GPD1L: variants seen among roughly 807,000 people sequenced by gnomAD.
GPD1L encodes the protein glycerol-3-phosphate dehydrogenase 1-like protein.
GPD1L carries 17 observed loss-of-function variants against 32.9 expected under a neutral mutation model. The ratio of observed to expected loss-of-function variants is 0.52; its 90% CI spans 0.35 to 0.78. The LOEUF is 0.78. Ranked by LOEUF, GPD1L falls within the 30% of genes least tolerant of loss-of-function variation. The probability of loss-of-function intolerance (pLI) is 0.01; values close to 1 mark genes in which losing one functional copy is unlikely to be tolerated. For missense variants in GPD1L, 361 were observed against 447.8 expected, an observed-to-expected ratio of 0.81 and a Z score of 1.75; for synonymous variants, 187 against 165.9, an observed-to-expected ratio of 1.13 and a Z score of -0.98.
chr3:32,139,031 G>C (rs1025291118), intron 3 of GPD1L, among the ~76,000 whole-genome samples: 1 of 151,960 alleles, frequency 6.6e-6, no homozygotes, highest in African/African-American at 2.4e-5. Context: ...GAATTAGCTG[G>C]GAAATTAATA....
At chr3:32,137,338 A>G (rs1004671006) in intron 2 of GPD1L, among the ~76,000 whole-genome samples, 3 of 152,226 alleles carry the variant, frequency 2.0e-5, no homozygotes, top group Non-Finnish European at 2.9e-5. Context: ...TGGTTGGTGT[A>G]GCATCATGGT....
chr3:32,127,967 C>T (rs776180187), intron 1 of GPD1L, 109 bp from the exon 2 acceptor site: 80 of 794,130 alleles, frequency 1.0e-4, no homozygotes, highest in Non-Finnish European at 1.5e-5. Context: ...TGAGTAGGCT[C>T]AGTGTTTGAA....
Position 32,121,591 on chromosome 3 carries a change from ATATATATATTTC to A in GPD1L, c.48-6462_48-6451del, listed in dbSNP as rs1211634507. ...TATATATTTCTATATATATATTTCT[ATATATATATTTC>A]TATATATATTTCTATATATATTATA... On this transcript the variant is annotated intron_variant, in intron 1 of 7. Coordinates refer to ENST00000282541, the MANE Select transcript of GPD1L (RefSeq NM_015141.4). 1.9e-4 allele frequency among the ~76,000 whole-genome samples: 19 copies of A among 99,214 alleles called. 1 individual carries two copies. Among genetic ancestry groups the A allele is most frequent in the Admixed American group, 3.1e-4 (3 of 9,764 alleles). 65.1% of individuals were successfully genotyped at this position (99,214 alleles called of 152,430 possible).
intron 1 of GPD1L, among the ~76,000 whole-genome samples, chr3:32,121,703 A>G (rs11923844): frequency 2.2e-5 from 3 of 134,936 alleles, no homozygotes; most frequent in South Asian, 4.6e-4. Flanking sequence ...ATATTTATAT[A>G]TATATTTCTA....
chr3:32,152,678 A>G (rs1424054796), intron 5 of GPD1L, among the ~76,000 whole-genome samples: 1 of 152,168 alleles, frequency 6.6e-6, no homozygotes, highest in Non-Finnish European at 1.5e-5. Context: ...CAACACTGCC[A>G]CAGTGGCCAC....
At chr3:32,146,215 T>A (rs9859033) in intron 4 of GPD1L, among the ~76,000 whole-genome samples, 26,392 of 151,458 alleles carry the variant, frequency 0.17, 2,916 homozygotes, top group African/African-American at 0.31. Context: ...ACCTCCTGAG[T>A]AGCTGGGACC....
rs545047908 is a variant in GPD1L, at chr3:32,158,941, C to T, written c.684C>T (p.Ala228=). 26 of 1,614,140 alleles carry T rather than the reference C, an allele frequency of 1.6e-5. No homozygotes were observed. The highest frequency in any genetic ancestry group is 2.2e-5 in the East Asian group (1 of 44,890). Residue 228 remains alanine (A), a synonymous_variant, in exon 6 of 8, where the codon GCC becomes GCT. Coordinates refer to ENST00000282541, the MANE Select transcript of GPD1L (RefSeq NM_015141.4). ...GCTGTGGAGACAACACCAAAGCGGC[C>T]GTCATCCGCCTGGGACTCATGGAAA... ...GLRCGDNTKA[A]VIRLGLMEMI... is the part of the protein sequence containing the mutation.
intron 1 of GPD1L, among the ~76,000 whole-genome samples, chr3:32,127,604 C>T (rs1459903155): frequency 2.0e-5 from 3 of 152,232 alleles, no homozygotes; most frequent in African/African-American, 7.2e-5. Flanking sequence ...AAGTACTCAA[C>T]AACTGGGCCC....
At chr3:32,107,624 G>A (rs1275400115) in intron 1 of GPD1L, among the ~76,000 whole-genome samples, 1 of 152,158 alleles carries the variant, frequency 6.6e-6, no homozygotes, top group East Asian at 1.9e-4. Flanking sequence ...GAGTGATGAT[G>A]TCCTTTCAGT....
chr3:32,115,812 G>A lies in GPD1L; in HGVS notation c.47+9054G>A, dbSNP rs529480835. ...TTTTTTTTTTTTTTTTTTTTGAGAC[G>A]GAGTCTCGCTCTGTTGCACAGGTTG... On this transcript the variant is annotated intron_variant, in intron 1 of 7. Coordinates refer to ENST00000282541, the MANE Select transcript of GPD1L (RefSeq NM_015141.4). Among the ~76,000 whole-genome samples the A allele has an allele frequency of 1.3e-4, 7 of 55,686 alleles. 1 individual carries two copies. Among genetic ancestry groups the A allele is most frequent in the African/African-American group, 2.1e-4 (4 of 19,282 alleles). The allele number at this position is 55,686 out of a possible 152,430, so 36.5% of individuals were successfully genotyped here.
intron 1 of GPD1L, among the ~76,000 whole-genome samples, chr3:32,116,662 TA>T (rs970577967): frequency 2.0e-5 from 3 of 152,184 alleles, no homozygotes; most frequent in African/African-American, 7.2e-5. Context: ...CTACCAATTT[TA>T]CTACTACTCA....
At chr3:32,122,426 G>T (rs13320282) in intron 1 of GPD1L, among the ~76,000 whole-genome samples, 2,448 of 152,196 alleles carry the variant, frequency 0.016, 83 homozygotes, top group African/African-American at 0.055. Context: ...CTGTAATAAA[G>T]ATTTTTTAAA....
chr3:32,136,698 G>A (rs1700664889), intron 2 of GPD1L, among the ~76,000 whole-genome samples: 1 of 152,158 alleles, frequency 6.6e-6, no homozygotes. Flanking sequence ...CAAGAGACTT[G>A]TCTTCCTCTC....
At chr3:32,134,385 G>C (rs1700629323) in intron 2 of GPD1L, among the ~76,000 whole-genome samples, 2 of 152,188 alleles carry the variant, frequency 1.3e-5, no homozygotes, top group South Asian at 4.1e-4. Flanking sequence ...TTGTCCTAGA[G>C]ACCATCACAT....
intron 1 of GPD1L, among the ~76,000 whole-genome samples, chr3:32,114,542 T>G (rs1461402809): frequency 6.6e-6 from 1 of 152,238 alleles, no homozygotes; most frequent in Non-Finnish European, 1.5e-5. Flanking sequence ...GGTGATTAAC[T>G]GTGATCTCTT....
intron 1 of GPD1L, among the ~76,000 whole-genome samples, chr3:32,119,233 A>G (rs1286670299): frequency 2.0e-5 from 3 of 152,220 alleles, no homozygotes; most frequent in African/African-American, 7.2e-5. Context: ...AAATCTACAA[A>G]CAGTATACAA....
In GPD1L at chr3:32,130,629, C is replaced by T. The variant is rs370837574; in HGVS notation, c.225+2376C>T. ...TTGCCTGCTCACTAAAAGCTGAGCC[C>T]GTCTGGATTTGCGATTTCCCTTTAG... On this transcript the variant is annotated intron_variant, in intron 2 of 7. Coordinates refer to ENST00000282541, the MANE Select transcript of GPD1L (RefSeq NM_015141.4). 3.4e-4 allele frequency among the ~76,000 whole-genome samples: 51 copies of T among 152,144 alleles called. No individual in the cohort carries two copies. The East Asian group carries it at 7.1e-3, about 21-fold the overall frequency.
chr3:32,114,053 C>A (rs900923584), intron 1 of GPD1L, among the ~76,000 whole-genome samples: 2 of 152,202 alleles, frequency 1.3e-5, no homozygotes, highest in Non-Finnish European at 2.9e-5. Context: ...TGGGGTCTCA[C>A]TATGTTGCCC....
intron 4 of GPD1L, among the ~76,000 whole-genome samples, chr3:32,145,110 G>A (rs2125489440): frequency 6.6e-6 from 1 of 151,976 alleles, no homozygotes; most frequent in East Asian, 2.0e-4. Context: ...CTGGAGGTCA[G>A]GAGTTCGAGA....
Sources: gnomAD v4.1 joint callset for allele counts (sites outside exome capture counted in the v4.1 genomes callset) on GRCh38, gnomAD v4.1.1 for gene constraint, MANE v1.5 for transcripts, NCBI Gene and HGNC (gene_info 2026-07-23, HGNC 2026-07-21) for gene names.